MALRD1: variants seen among roughly 807,000 people sequenced by gnomAD.
MALRD1 encodes the protein MAM and LDL-receptor class A domain-containing protein 1.
MALRD1 carries 247 observed loss-of-function variants against 242.1 expected under a neutral mutation model. The ratio of observed to expected loss-of-function variants is 1.02; its 90% CI spans 0.92 to 1.13. The LOEUF is 1.13. MALRD1 is among the 50% of genes most tolerant of loss of function. MALRD1 has a pLI of 0.00. For missense variants in MALRD1, 2,989 were observed against 2,533.1 expected, an observed-to-expected ratio of 1.18 and a Z score of -3.86; for synonymous variants, 995 against 866.6, an observed-to-expected ratio of 1.15 and a Z score of -2.60.
chr10:19,588,398 T>A (rs1023627981), intron 33 of MALRD1, among the ~76,000 whole-genome samples: 1 of 152,220 alleles, frequency 6.6e-6, no homozygotes, highest in African/African-American at 2.4e-5. Flanking sequence ...AGGATGTCAG[T>A]GTATTCTCAA....
chr10:19,518,393 T>C (rs938064724), intron 31 of MALRD1, among the ~76,000 whole-genome samples: 5 of 152,252 alleles, frequency 3.3e-5, no homozygotes, highest in African/African-American at 4.8e-5. Flanking sequence ...ATAATTTCCA[T>C]AGAGAAAAAC....
intron 19 of MALRD1, among the ~76,000 whole-genome samples, chr10:19,270,320 TCTC>T (rs1564517341): frequency 9.0e-4 from 87 of 96,552 alleles, no homozygotes; most frequent in African/African-American, 4.2e-3. Context: ...CTCTCTCTTC[TCTC>T]TCTCTCTCTC....
In MALRD1 at chr10:19,424,361, T is replaced by C. The variant is rs1490149566; in HGVS notation, c.4846-25946T>C. ...TTTTAGTAGAGATGGGGTTTCGCCA[T>C]GTTGGCCAGTCTGGTCTCGATCTCC... is the stretch of plus-strand genomic sequence containing the variant. On this transcript the variant is annotated intron_variant, in intron 28 of 39. Coordinates refer to ENST00000454679, the MANE Select transcript of MALRD1 (RefSeq NM_001142308.3). Among the ~76,000 whole-genome samples the C allele has an allele frequency of 3.3e-5, 5 of 152,300 alleles. No individual in the cohort carries two copies. The East Asian group carries it at 9.7e-4, about 29-fold the overall frequency.
At chr10:19,051,942 A>T (rs1228830840) in intron 1 of MALRD1, 2 of 199,766 alleles carry the variant, frequency 1.0e-5, no homozygotes, top group Admixed American at 5.9e-5. Flanking sequence ...AAAAAAAAAA[A>T]AAAAAAAAAA....
At chr10:19,347,640 T>C in intron 24 of MALRD1, 131 bp from the exon 25 acceptor site, 1 of 1,066,682 alleles carries the variant, frequency 9.4e-7, no homozygotes, top group Non-Finnish European at 1.3e-6. Context: ...CTTTATATGT[T>C]GCTATCAGGA....
rs562089373 is a variant in MALRD1 at position 19,454,817 on chromosome 10, C to T, written c.5029+4327C>T. 3.2e-4 allele frequency among the ~76,000 whole-genome samples: 49 copies of T among 151,478 alleles called. No homozygotes were observed. In the South Asian group the frequency reaches 5.6e-3, roughly 17 times the overall value. On this transcript the variant is annotated intron_variant, in intron 29 of 39. Coordinates refer to ENST00000454679, the MANE Select transcript of MALRD1 (RefSeq NM_001142308.3). Reference sequence around the variant, plus strand: ...TCTACTTTAGCTGCAAATAGGAAAGCTATTTAAGTTTCATATTTCTTTCTT... The same window carrying T: ...TCTACTTTAGCTGCAAATAGGAAAGTTATTTAAGTTTCATATTTCTTTCTT...
chr10:19,405,742 A>T (rs1847067868), intron 28 of MALRD1, among the ~76,000 whole-genome samples: 1 of 152,202 alleles, frequency 6.6e-6, no homozygotes, highest in Non-Finnish European at 1.5e-5. Context: ...TCCTAGACTC[A>T]TTCCTTTGAA....
At chr10:19,716,644 A>T (rs929125830) in intron 38 of MALRD1, among the ~76,000 whole-genome samples, 1 of 152,292 alleles carries the variant, frequency 6.6e-6, no homozygotes, top group East Asian at 1.9e-4. Context: ...CTTTTGAGAT[A>T]ATTATTGATA....
At position 19,347,992 on chromosome 10, in the gene MALRD1, A is replaced by G. The variant is rs1844206821; in HGVS notation, c.4123A>G (p.Ile1375Val). ...MRAARISSPVISKRSKNCKII... is the reference protein window; with the variant it reads ...MRAARISSPVVSKRSKNCKII... ...AGCTGCCAGAATTTCAAGTCCAGTT[A>G]TAAGTAAGAGAAGCAAAAACTGCAA... Residue 1375 changes from isoleucine to valine, a missense_variant, in exon 25 of 40, where the codon ATA (isoleucine) becomes GTA (valine). Ile to Val is a conservative substitution (Grantham distance 29). Coordinates refer to ENST00000454679, the MANE Select transcript of MALRD1 (RefSeq NM_001142308.3). 1 of 1,550,468 alleles carries G rather than the reference A, an allele frequency of 6.4e-7. No homozygotes were observed. The highest frequency in any genetic ancestry group is 8.7e-7 in the Non-Finnish European group (1 of 1,146,832).
chr10:19,449,073 G>A (rs3864825), intron 28 of MALRD1, among the ~76,000 whole-genome samples: 33,473 of 152,114 alleles, frequency 0.22, 4,433 homozygotes, highest in South Asian at 0.36. Flanking sequence ...GAAACCCAAG[G>A]CCTCAGTAAA....
At chr10:19,480,277 A>G (rs1053553569) in intron 29 of MALRD1, among the ~76,000 whole-genome samples, 9 of 152,232 alleles carry the variant, frequency 5.9e-5, no homozygotes, top group African/African-American at 1.7e-4. Flanking sequence ...CAGAAAATGT[A>G]CAATAAGTGT....
At chr10:19,115,688 C>A (rs1001219905) in intron 5 of MALRD1, among the ~76,000 whole-genome samples, 2 of 151,966 alleles carry the variant, frequency 1.3e-5, no homozygotes, top group African/African-American at 2.4e-5. Flanking sequence ...CCAACCTGGG[C>A]AACATGGTGA....
intron 5 of MALRD1, among the ~76,000 whole-genome samples, chr10:19,115,409 C>A (rs756782037): frequency 6.6e-6 from 1 of 151,770 alleles, no homozygotes; most frequent in Non-Finnish European, 1.5e-5. Context: ...ACATATGTAC[C>A]CCGAAGTTAA....
At chr10:19,393,041 A>G (rs938993408) in intron 28 of MALRD1, among the ~76,000 whole-genome samples, 3 of 152,142 alleles carry the variant, frequency 2.0e-5, no homozygotes, top group Non-Finnish European at 2.9e-5. Flanking sequence ...CAGTAAGTGG[A>G]TTGACTATGA....
intron 26 of MALRD1, among the ~76,000 whole-genome samples, chr10:19,359,638 G>A (rs1373987229): frequency 6.6e-6 from 1 of 151,878 alleles, no homozygotes; most frequent in African/African-American, 2.4e-5. Context: ...AGTTGAGAAA[G>A]TGTTGGAGAA....
In MALRD1 at chr10:19,113,346, A is replaced by G. The variant is rs114976715; in HGVS notation, c.694+9271A>G. Reference sequence around the variant, plus strand: ...TCCCATACTCTGGTCAAAACAAATTACTTGTGAGTTCAGCAACGCAGTGTC... The same window carrying G: ...TCCCATACTCTGGTCAAAACAAATTGCTTGTGAGTTCAGCAACGCAGTGTC... On this transcript the variant is annotated intron_variant, in intron 5 of 39. Coordinates refer to ENST00000454679, the MANE Select transcript of MALRD1 (RefSeq NM_001142308.3). 6.8e-3 allele frequency among the ~76,000 whole-genome samples: 1,030 copies of G among 152,258 alleles called. 4 individuals carry two copies. Among genetic ancestry groups the G allele is most frequent in the African/African-American group, 8.4e-3 (348 of 41,554 alleles).
chr10:19,271,122 C>T (rs1230401389), intron 19 of MALRD1, among the ~76,000 whole-genome samples: 2 of 152,076 alleles, frequency 1.3e-5, no homozygotes, highest in Non-Finnish European at 2.9e-5. Flanking sequence ...CAAGCAATTC[C>T]GTTTCTAGAT....
intron 28 of MALRD1, among the ~76,000 whole-genome samples, chr10:19,448,603 C>T (rs16918806): frequency 0.15 from 22,213 of 151,968 alleles, 1,916 homozygotes; most frequent in African/African-American, 0.25. Context: ...TTTATTCGGT[C>T]ATTGGGATTA....
At chr10:19,278,363 T>C (rs921289282) in intron 19 of MALRD1, among the ~76,000 whole-genome samples, 5 of 152,204 alleles carry the variant, frequency 3.3e-5, no homozygotes, top group Non-Finnish European at 5.9e-5. Flanking sequence ...TATATGGTTT[T>C]CCTCTGTTTT....
Sources: allele counts gnomAD v4.1 joint callset (sites outside exome capture counted in the v4.1 genomes callset), GRCh38; gene constraint gnomAD v4.1.1; transcripts MANE v1.5; gene names NCBI Gene and HGNC (gene_info 2026-07-23, HGNC 2026-07-21).